ZCCHC7: variants seen among roughly 807,000 people sequenced by gnomAD.
ZCCHC7 encodes zinc finger CCHC domain-containing protein 7.
A neutral mutation model predicts 52.0 loss-of-function variants in ZCCHC7; 35 were observed. That is an observed-to-expected ratio of 0.67 (90% CI 0.51 to 0.89). The LOEUF (loss-of-function observed/expected upper bound fraction) is 0.89. ZCCHC7 is among the 40% of genes least tolerant of loss of function. ZCCHC7 has a pLI of 0.00. For synonymous variants in ZCCHC7, 217 were observed against 221.5 expected (o/e 0.98, Z 0.18); for missense variants, 574 against 649.1 (o/e 0.88, Z 1.26).
chr9:37,257,145 G>A (rs1826630024), intron 2 of ZCCHC7, among the ~76,000 whole-genome samples: 1 of 152,200 alleles, frequency 6.6e-6, no homozygotes, highest in African/African-American at 2.4e-5. Context: ...TGTAGCCGTA[G>A]TAAATTTTGG....
At chr9:37,279,592 C>T (rs1243671063) in intron 2 of ZCCHC7, among the ~76,000 whole-genome samples, 1 of 152,040 alleles carries the variant, frequency 6.6e-6, no homozygotes, top group African/African-American at 2.4e-5. Flanking sequence ...GGTCCAGTGG[C>T]TTATGCCTGT....
chr9:37,338,312 A>T (rs2118427114), intron 6 of ZCCHC7, among the ~76,000 whole-genome samples: 2 of 152,308 alleles, frequency 1.3e-5, no homozygotes, highest in Middle Eastern at 3.4e-3. Context: ...TGTTGTGAAT[A>T]TATAACCCTT....
intron 2 of ZCCHC7, among the ~76,000 whole-genome samples, chr9:37,283,452 G>C (rs1042826867): frequency 2.0e-5 from 3 of 152,090 alleles, no homozygotes; most frequent in Non-Finnish European, 2.9e-5. Context: ...CTTTAAAATG[G>C]AAAAGTGGGC....
chr9:37,335,558 C>A (rs1353635740), intron 6 of ZCCHC7, among the ~76,000 whole-genome samples: 6 of 152,100 alleles, frequency 3.9e-5, no homozygotes, highest in Non-Finnish European at 8.8e-5. Flanking sequence ...GCATGTTAAA[C>A]ACTATGCAGG....
At chr9:37,309,249 A>AC (rs1829482851) in intron 5 of ZCCHC7, among the ~76,000 whole-genome samples, 1 of 151,946 alleles carries the variant, frequency 6.6e-6, no homozygotes, top group Admixed American at 6.6e-5. Flanking sequence ...TCCTTCCACC[A>AC]CCCCAGAAAC....
chr9:37,158,950 C>T lies in ZCCHC7; in HGVS notation c.610+32008C>T, dbSNP rs553942728. 4.6e-5 allele frequency among the ~76,000 whole-genome samples: 7 copies of T among 152,310 alleles called. No individual in the cohort carries two copies. In the East Asian group the frequency reaches 1.3e-3, roughly 29 times the overall value. On this transcript the variant is annotated intron_variant, in intron 2 of 8. Coordinates refer to ENST00000336755, the MANE Select transcript of ZCCHC7 (RefSeq NM_032226.3). ...CAGTGCAATCCTCCTAGTCTTGGAA[C>T]AGCAGCCAATTCCAGGAATTAAGAG...
intron 5 of ZCCHC7, among the ~76,000 whole-genome samples, chr9:37,311,406 CTTTA>C (rs906040732): frequency 2.0e-5 from 3 of 151,798 alleles, no homozygotes; most frequent in African/African-American, 7.3e-5. Context: ...CACTTGATTC[CTTTA>C]TTTATTTATT....
intron 2 of ZCCHC7, among the ~76,000 whole-genome samples, chr9:37,199,658 G>T (rs1294625712): frequency 5.5e-5 from 7 of 126,152 alleles, no homozygotes; most frequent in African/African-American, 2.0e-4. Flanking sequence ...CTGTCTGTCT[G>T]TCTGTCTGTC....
intron 6 of ZCCHC7, among the ~76,000 whole-genome samples, chr9:37,343,406 C>T (rs1820760546): frequency 6.6e-6 from 1 of 152,168 alleles, no homozygotes; most frequent in Non-Finnish European, 1.5e-5. Context: ...GCCTCAGCCT[C>T]CCTAGTGCTT....
chr9:37,186,717 G>A, intron 2 of ZCCHC7: 1 of 590,290 alleles, frequency 1.7e-6, no homozygotes, highest in Non-Finnish European at 3.2e-6. Flanking sequence ...TGCAGGCCAA[G>A]AATAAAATCT....
intron 2 of ZCCHC7, among the ~76,000 whole-genome samples, chr9:37,212,999 A>T (rs185790459): frequency 6.6e-6 from 1 of 152,322 alleles, no homozygotes; most frequent in Admixed American, 6.5e-5. Context: ...TAGAATAGAC[A>T]GAGTGGATGT....
chr9:37,178,620 A>G (rs890252089), intron 2 of ZCCHC7, among the ~76,000 whole-genome samples: 1 of 152,198 alleles, frequency 6.6e-6, no homozygotes, highest in African/African-American at 2.4e-5. Flanking sequence ...CGGTGTTGGT[A>G]CATGTTGTTG....
intron 2 of ZCCHC7, among the ~76,000 whole-genome samples, chr9:37,137,741 T>C (rs1843059352): frequency 6.6e-6 from 1 of 152,254 alleles, no homozygotes; most frequent in Admixed American, 6.5e-5. Context: ...AGTTATGTTC[T>C]TCCTTATAAT....
intron 5 of ZCCHC7, among the ~76,000 whole-genome samples, chr9:37,316,148 C>A (rs943746650): frequency 2.0e-5 from 3 of 151,880 alleles, no homozygotes; most frequent in Admixed American, 6.5e-5. Flanking sequence ...CAACTTCCAC[C>A]TCCTGGGTTC....
chr9:37,304,361 C>G, intron 4 of ZCCHC7, 48 bp downstream of exon 4: 1 of 1,599,454 alleles, frequency 6.3e-7, no homozygotes, highest in Non-Finnish European at 8.5e-7. Context: ...AACTCAAAAT[C>G]TCAAGGGTGA....
chr9:37,219,264 G>A (rs1003507141), intron 2 of ZCCHC7, among the ~76,000 whole-genome samples: 2 of 152,140 alleles, frequency 1.3e-5, no homozygotes, highest in African/African-American at 2.4e-5. Context: ...ACAAAGCCAC[G>A]CTCATTCATG....
chr9:37,176,097 A>G (rs1822012188), intron 2 of ZCCHC7, among the ~76,000 whole-genome samples: 1 of 151,954 alleles, frequency 6.6e-6, no homozygotes, highest in African/African-American at 2.4e-5. Flanking sequence ...TGTTTTTGAG[A>G]TGGAGTCTTG....
At chr9:37,309,083 T>C (rs958066418) in intron 5 of ZCCHC7, among the ~76,000 whole-genome samples, 1 of 152,026 alleles carries the variant, frequency 6.6e-6, no homozygotes, top group Non-Finnish European at 1.5e-5. Flanking sequence ...AAGGCAGTAC[T>C]CTTTTCCCCA....
At chr9:37,147,835 A>G (rs770677728) in intron 2 of ZCCHC7, among the ~76,000 whole-genome samples, 1 of 152,032 alleles carries the variant, frequency 6.6e-6, no homozygotes, top group Non-Finnish European at 1.5e-5. Context: ...ACTAATTTTT[A>G]TTAGCATTGC....
Sources: allele counts gnomAD v4.1 joint callset (sites outside exome capture counted in the v4.1 genomes callset), GRCh38; gene constraint gnomAD v4.1.1; transcripts MANE v1.5; gene names NCBI Gene and HGNC (gene_info 2026-07-23, HGNC 2026-07-21).